The following LRRC4C variants were observed in gnomAD, a reference collection of about 807,000 sequenced individuals.
LRRC4C encodes the protein leucine rich repeat containing 4C, also known as leucine-rich repeat-containing protein 4C.
LRRC4C carries 5 observed loss-of-function variants against 33.6 expected under a neutral mutation model. That is an observed-to-expected ratio of 0.15 (90% CI 0.08 to 0.31). The LOEUF is 0.31. Among genes scored for constraint, LRRC4C ranks in the 10% least tolerant of loss-of-function variants. LRRC4C has a pLI of 1.00. For missense variants in LRRC4C, 560 were observed against 796.7 expected (o/e 0.70, Z 3.58); for synonymous variants, 329 against 302.0 (o/e 1.09, Z -0.93).
intron 4 of LRRC4C, among the ~76,000 whole-genome samples, chr11:40,317,609 T>G (rs533796589): frequency 1.5e-4 from 23 of 152,126 alleles, no homozygotes; most frequent in Non-Finnish European, 3.1e-4. Flanking sequence ...ATCAAGATAC[T>G]GAAACGTCTC....
intron 1 of LRRC4C, among the ~76,000 whole-genome samples, chr11:41,106,852 C>CA (rs1232635143): frequency 2.0e-5 from 3 of 151,542 alleles, no homozygotes; most frequent in Non-Finnish European, 2.9e-5. Flanking sequence ...CCTACTTCTA[C>CA]AAAAAAATTA....
intron 4 of LRRC4C, among the ~76,000 whole-genome samples, chr11:40,262,983 A>G (rs1238409305): frequency 6.3e-5 from 9 of 143,170 alleles, no homozygotes; most frequent in African/African-American, 2.1e-4. Flanking sequence ...AGTATAACTG[A>G]AAAAAAAAAA....
chr11:40,194,452 G>A (rs1862084323), intron 5 of LRRC4C, among the ~76,000 whole-genome samples: 1 of 152,154 alleles, frequency 6.6e-6, no homozygotes, highest in Non-Finnish European at 1.5e-5. Flanking sequence ...CCTGAAGAAA[G>A]AGTTCATGTC....
At chr11:41,339,300 G>A (rs1951556209) in intron 1 of LRRC4C, among the ~76,000 whole-genome samples, 1 of 152,156 alleles carries the variant, frequency 6.6e-6, no homozygotes, top group African/African-American at 2.4e-5. Flanking sequence ...TAAGTCATTA[G>A]ATTGGAAGAA....
At chr11:40,257,502 T>C (rs180677591) in intron 4 of LRRC4C, among the ~76,000 whole-genome samples, 48 of 152,240 alleles carry the variant, frequency 3.2e-4, no homozygotes, top group African/African-American at 1.1e-3. Flanking sequence ...CCCTCCTCCA[T>C]GTGGCCATGT....
intron 2 of LRRC4C, among the ~76,000 whole-genome samples, chr11:40,894,943 G>C (rs991326782): frequency 6.6e-6 from 1 of 151,984 alleles, no homozygotes; most frequent in Non-Finnish European, 1.5e-5. Flanking sequence ...CATGAATGTA[G>C]CTATCTTTTC....
At chr11:40,847,089 A>C (rs1407883191) in intron 2 of LRRC4C, among the ~76,000 whole-genome samples, 1 of 151,252 alleles carries the variant, frequency 6.6e-6, no homozygotes, top group Non-Finnish European at 1.5e-5. Context: ...CAATCCTGTA[A>C]TCTGCAAAGA....
chr11:41,212,834 C>T lies in LRRC4C; in HGVS notation c.-496+246597G>A, dbSNP rs1234236367. On this transcript the variant is annotated intron_variant, in intron 1 of 6. Coordinates refer to ENST00000528697, the MANE Select transcript of LRRC4C (RefSeq NM_001258419.2). ...AGTATTCCATGGTGTATATATGTGC[C>T]ACATTTTCTTCATCTAGTCTATTAC... Among the ~76,000 whole-genome samples, 3 of 152,136 alleles carry T rather than the reference C, an allele frequency of 2.0e-5. No individual in the cohort carries two copies. The East Asian group carries it at 5.8e-4, about 29-fold the overall frequency.
intron 1 of LRRC4C, among the ~76,000 whole-genome samples, chr11:41,022,327 T>A (rs1856041419): frequency 6.6e-6 from 1 of 150,908 alleles, no homozygotes; most frequent in African/African-American, 2.4e-5. Context: ...AACTTTAGAA[T>A]AAAAAAAAGA....
intron 1 of LRRC4C, among the ~76,000 whole-genome samples, chr11:41,325,662 T>C (rs909313026): frequency 4.0e-5 from 6 of 150,686 alleles, no homozygotes; most frequent in African/African-American, 1.5e-4. Context: ...CATTTTTAGA[T>C]CTTCACTGCA....
intron 3 of LRRC4C, among the ~76,000 whole-genome samples, chr11:40,347,019 A>T (rs896487343): frequency 3.3e-5 from 5 of 152,174 alleles, no homozygotes; most frequent in African/African-American, 1.2e-4. Flanking sequence ...ATTAACTCCT[A>T]ATAAGAGTCA....
At chr11:41,392,977 A>G (rs181980864) in intron 1 of LRRC4C, among the ~76,000 whole-genome samples, 25 of 152,006 alleles carry the variant, frequency 1.6e-4, no homozygotes, top group African/African-American at 6.0e-4. Context: ...ATAAAGCATT[A>G]TGACAATATA....
Position 40,501,378 on chromosome 11 carries a change from A to G in LRRC4C, c.-270+146764T>C, listed in dbSNP as rs181811938. Among the ~76,000 whole-genome samples the G allele has an allele frequency of 1.3e-4, 20 of 152,202 alleles. No homozygotes were observed. In the Middle Eastern group the frequency reaches 0.01, roughly 78 times the overall value. ...GACTCTGTGTGGGAGTCCCCTCCCTACATTTCCCTTCCGCACTGCCCTAGC... is the reference window on the plus strand; with the variant it reads ...GACTCTGTGTGGGAGTCCCCTCCCTGCATTTCCCTTCCGCACTGCCCTAGC... On this transcript the variant is annotated intron_variant, in intron 3 of 6. Transcript: ENST00000528697.
chr11:41,351,542 T>A (rs113651558), intron 1 of LRRC4C, among the ~76,000 whole-genome samples: 18 of 152,128 alleles, frequency 1.2e-4, no homozygotes, highest in African/African-American at 4.3e-4. Flanking sequence ...CACATAGTCA[T>A]CAGATTCTCC....
At chr11:40,579,601 T>C (rs920963698) in intron 3 of LRRC4C, among the ~76,000 whole-genome samples, 3 of 152,158 alleles carry the variant, frequency 2.0e-5, no homozygotes, top group Non-Finnish European at 2.9e-5. Context: ...TTAGAACATT[T>C]TCATCACCCA....
intron 1 of LRRC4C, among the ~76,000 whole-genome samples, chr11:40,966,201 A>G (rs1337878298): frequency 6.6e-6 from 1 of 151,972 alleles, no homozygotes; most frequent in African/African-American, 2.4e-5. Flanking sequence ...AACAAAATCA[A>G]TACAGTGCAA....
At chr11:40,434,816 A>G (rs1387234794) in intron 3 of LRRC4C, among the ~76,000 whole-genome samples, 1 of 152,218 alleles carries the variant, frequency 6.6e-6, no homozygotes, top group African/African-American at 2.4e-5. Context: ...TTTTGAGAAA[A>G]TAAATGTTTT....
Position 40,163,191 on chromosome 11 carries a change from G to A in LRRC4C, c.-95-22338C>T, listed in dbSNP as rs563832374. On this transcript the variant is annotated intron_variant, in intron 5 of 6. Transcript: ENST00000528697. ...CTATCCATACCCTATCCACCATACC[G>A]TGTGTAAGAACATTAATATCCATTA... 1.6e-4 allele frequency among the ~76,000 whole-genome samples: 24 copies of A among 152,136 alleles called. 1 individual carries two copies. Among genetic ancestry groups the A allele is most frequent in the Admixed American group, 9.2e-4 (14 of 15,276 alleles).
chr11:41,441,009 T>C (rs986787047), intron 1 of LRRC4C, among the ~76,000 whole-genome samples: 4 of 152,170 alleles, frequency 2.6e-5, no homozygotes, highest in Admixed American at 6.5e-5. Flanking sequence ...AAGTGAGTCA[T>C]GAAGAGCCAA....
Sources: allele counts gnomAD v4.1 joint callset (sites outside exome capture counted in the v4.1 genomes callset), GRCh38; gene constraint gnomAD v4.1.1; transcripts MANE v1.5; gene names NCBI Gene and HGNC (gene_info 2026-07-23, HGNC 2026-07-21).